Variants in WDR17 observed in about 807,000 individuals in gnomAD.
The protein encoded by WDR17 is WD repeat-containing protein 17.
WDR17 carries 143 observed loss-of-function variants against 161.7 expected under a neutral mutation model. The ratio of observed to expected loss-of-function variants is 0.88; its 90% CI spans 0.77 to 1.02. WDR17 has a LOEUF of 1.02. Among genes scored for constraint, WDR17 ranks in the 50% least tolerant of loss-of-function variants. The pLI, the probability that WDR17 is intolerant of heterozygous loss-of-function variation, is 0.00. For missense variants in WDR17, 1,469 were observed against 1,520.9 expected (o/e 0.97, Z 0.57); for synonymous variants, 517 against 515.6 (o/e 1.00, Z -0.04).
chr4:176,106,654 C>T (rs1208404197), intron 1 of WDR17, among the ~76,000 whole-genome samples: 6 of 152,106 alleles, frequency 3.9e-5, no homozygotes, highest in African/African-American at 1.4e-4. Context: ...AAATTTTGTG[C>T]ATCAAAAGAA....
chr4:176,073,841 T>G (rs1191267467), intron 1 of WDR17, among the ~76,000 whole-genome samples: 1 of 152,126 alleles, frequency 6.6e-6, no homozygotes, highest in Non-Finnish European at 1.5e-5. Context: ...TGATTTGCAT[T>G]TCTCTGATGG....
At chr4:176,092,702 T>A (rs761639326) in intron 1 of WDR17, among the ~76,000 whole-genome samples, 4 of 152,036 alleles carry the variant, frequency 2.6e-5, no homozygotes, top group Non-Finnish European at 5.9e-5. Flanking sequence ...AAAATCAACA[T>A]ACAAAAATAA....
chr4:176,117,668 AAAT>A (rs1162129502), intron 3 of WDR17, among the ~76,000 whole-genome samples: 1 of 152,072 alleles, frequency 6.6e-6, no homozygotes, highest in Non-Finnish European at 1.5e-5. Flanking sequence ...ATATACAACT[AAAT>A]AATACTTTCT....
At chr4:176,090,163 C>G (rs1406834790) in intron 1 of WDR17, among the ~76,000 whole-genome samples, 1 of 150,984 alleles carries the variant, frequency 6.6e-6, no homozygotes, top group African/African-American at 2.4e-5. Flanking sequence ...GTGTTTGGAT[C>G]ATGGAGGCAG....
intron 9 of WDR17, among the ~76,000 whole-genome samples, chr4:176,138,764 A>C (rs545036201): frequency 6.6e-6 from 1 of 151,936 alleles, no homozygotes; most frequent in African/African-American, 2.4e-5. Flanking sequence ...TTCCAGCCTG[A>C]TTGTGGAAAC....
intron 3 of WDR17, 78 bp downstream of exon 3, chr4:176,116,057 G>T: frequency 7.3e-7 from 1 of 1,373,688 alleles, no homozygotes; most frequent in Non-Finnish European, 9.8e-7. Flanking sequence ...TATTAGTTCA[G>T]CTTTTAAAAT....
intron 1 of WDR17, 40 bp from the exon 2 acceptor site, chr4:176,111,535 A>C: frequency 6.3e-7 from 1 of 1,589,524 alleles, no homozygotes; most frequent in Non-Finnish European, 8.6e-7. Flanking sequence ...GTTTATCAAT[A>C]ATGGAAATCA....
chr4:176,156,842 G>A (rs1348051523), intron 18 of WDR17, among the ~76,000 whole-genome samples: 2 of 152,078 alleles, frequency 1.3e-5, no homozygotes, highest in Non-Finnish European at 2.9e-5. Context: ...TTGGTGTCTG[G>A]TTGCGTGCAG....
At position 176,131,568 on chromosome 4, in the gene WDR17, C is replaced by G; in HGVS notation, c.928C>G (p.Pro310Ala). 1 of 1,605,562 alleles carries G rather than the reference C, an allele frequency of 6.2e-7. No individual in the cohort carries two copies. The highest frequency in any genetic ancestry group is 2.3e-5 in the East Asian group (1 of 44,438). The change falls in exon 7 of 29, where the codon CCA becomes GCA. Residue 310 changes from proline (P) to alanine (A), a missense_variant. Transcript: ENST00000508596. ...TCTATTTTTAGTTTCAGTCCAATCT[C>G]CAACCAAAAATCATTATACATCCTC... ...PPRKKFSVQSPTKNHYTSSTS... is the reference protein window; with the variant it reads ...PPRKKFSVQSATKNHYTSSTS...
chr4:176,093,177 A>G (rs887358804), intron 1 of WDR17, among the ~76,000 whole-genome samples: 1 of 152,220 alleles, frequency 6.6e-6, no homozygotes, highest in African/African-American at 2.4e-5. Flanking sequence ...TAAAACATTG[A>G]TGAAACTGAA....
chr4:176,073,218 A>T lies in WDR17; in HGVS notation c.-7+7139A>T, dbSNP rs186525345. ...TGCTGCACCCATTAACTTGTCATTT[A>T]GCATTAGGTATATCTCCTAATGCTT... On this transcript the variant is annotated intron_variant, in intron 1 of 28. Coordinates refer to ENST00000508596, the MANE Select transcript of WDR17 (RefSeq NM_181265.4). 4.4e-3 allele frequency among the ~76,000 whole-genome samples: 672 copies of T among 152,212 alleles called. 8 individuals are homozygous for T. Among genetic ancestry groups the T allele is most frequent in the African/African-American group, 0.016 (652 of 41,510 alleles).
At chr4:176,110,775 G>A (rs149683570) in intron 1 of WDR17, among the ~76,000 whole-genome samples, 92 of 152,264 alleles carry the variant, frequency 6.0e-4, no homozygotes, top group East Asian at 5.0e-3. Flanking sequence ...AAATAGAGAC[G>A]TAAGGTTTAA....
At chr4:176,175,749 C>T (rs1332937744) in intron 26 of WDR17, among the ~76,000 whole-genome samples, 6 of 151,828 alleles carry the variant, frequency 4.0e-5, no homozygotes, top group African/African-American at 1.5e-4. Flanking sequence ...CTAGTAGAGA[C>T]GGGGTTTCAC....
In WDR17 at chr4:176,150,052, T is replaced by C; in HGVS notation, c.2057T>C (p.Ile686Thr). Reference protein sequence around the residue: ...EEIIGNTDYAIEPGTPPLLCG... With the variant: ...EEIIGNTDYATEPGTPPLLCG... ...TATGTCTGTTCTTCAGATTATGCTA[T>C]AGAACCAGGCACTCCTCCTCTACTG... The change falls in exon 15 of 29, where the codon ATA becomes ACA. Residue 686 changes from isoleucine (I) to threonine (T), a missense_variant. By Grantham distance (89) the Ile-to-Thr change is moderately conservative. Coordinates refer to ENST00000508596, the MANE Select transcript of WDR17 (RefSeq NM_181265.4). 1 of 1,613,834 alleles carries C rather than the reference T, an allele frequency of 6.2e-7. No homozygotes were observed. Among genetic ancestry groups the C allele is most frequent in the African/African-American group, 1.3e-5 (1 of 75,048 alleles).
intron 1 of WDR17, among the ~76,000 whole-genome samples, chr4:176,100,016 G>T (rs1198514695): frequency 6.6e-6 from 1 of 152,022 alleles, no homozygotes; most frequent in Non-Finnish European, 1.5e-5. Flanking sequence ...CTATAGCTTT[G>T]CTATTGCAAA....
intron 4 of WDR17, among the ~76,000 whole-genome samples, chr4:176,122,934 CCTT>C (rs1741841099): frequency 6.6e-6 from 1 of 152,106 alleles, no homozygotes; most frequent in African/African-American, 2.4e-5. Context: ...GAGCTTTAAG[CCTT>C]CTTCTCCCTT....
rs1445816513 is a variant in WDR17, at chr4:176,177,258, G to T, written c.3548+102G>T. 4 of 1,146,126 alleles carry T rather than the reference G, an allele frequency of 3.5e-6. No individual in the cohort carries two copies. The African/African-American group carries it at 4.7e-5, about 13-fold the overall frequency. The allele number at this position is 1,146,126 out of a possible 1,614,324, so 71.0% of individuals were successfully genotyped here. On this transcript the variant is annotated intron_variant, in intron 27 of 28. Transcript: ENST00000508596. ...GTCTCATTAATTTTAGCAGAATAAT[G>T]AATCTTGATTTGTTTGGCATATATG...
intron 3 of WDR17, among the ~76,000 whole-genome samples, chr4:176,119,036 T>C (rs1741110566): frequency 6.6e-6 from 1 of 152,120 alleles, no homozygotes; most frequent in African/African-American, 2.4e-5. Flanking sequence ...TGATATGTTA[T>C]ATTCCATTTC....
chr4:176,103,950 GACACAC>G (rs1738252043), intron 1 of WDR17, among the ~76,000 whole-genome samples: 4 of 152,096 alleles, frequency 2.6e-5, no homozygotes, highest in Admixed American at 2.0e-4. Context: ...AACTGAAATA[GACACAC>G]ATGGAGACAC....
Sources: gnomAD v4.1 joint callset for allele counts (sites outside exome capture counted in the v4.1 genomes callset) on GRCh38, gnomAD v4.1.1 for gene constraint, MANE v1.5 for transcripts, NCBI Gene and HGNC (gene_info 2026-07-23, HGNC 2026-07-21) for gene names.